CCSER1: variants seen among roughly 807,000 people sequenced by gnomAD.
CCSER1 encodes serine-rich coiled-coil domain-containing protein 1.
CCSER1 carries 41 observed loss-of-function variants against 82.0 expected under a neutral mutation model. The observed-to-expected ratio is 0.50, with a 90% CI of 0.39 to 0.65. The LOEUF is 0.65. CCSER1 is among the 30% of genes least tolerant of loss of function. The pLI is 0.00. For synonymous variants in CCSER1, 414 were observed against 383.9 expected, an observed-to-expected ratio of 1.08 and a Z score of -0.92; for missense variants, 1,119 against 1,064.2, an observed-to-expected ratio of 1.05 and a Z score of -0.72.
intron 7 of CCSER1, among the ~76,000 whole-genome samples, chr4:90,757,464 A>G (rs1749716310): frequency 6.6e-6 from 1 of 152,220 alleles, no homozygotes; most frequent in Non-Finnish European, 1.5e-5. Context: ...GGTTGGTGTC[A>G]TGGAACTTTA....
chr4:90,957,948 T>G (rs1317255345), intron 9 of CCSER1, among the ~76,000 whole-genome samples: 1 of 151,944 alleles, frequency 6.6e-6, no homozygotes, highest in Admixed American at 6.6e-5. Context: ...AAAAGGCATA[T>G]TTAATAAATT....
chr4:90,135,817 C>CAAA (rs572132850), intron 1 of CCSER1, among the ~76,000 whole-genome samples: 10 of 152,252 alleles, frequency 6.6e-5, no homozygotes, highest in South Asian at 2.1e-4. Context: ...CCGTCAGTTT[C>CAAA]AAAAATAATC....
In CCSER1 at chr4:90,397,284, A is replaced by C. The variant is rs961389193; in HGVS notation, c.1510-2752A>C. Among the ~76,000 whole-genome samples, 3 of 152,302 alleles carry C rather than the reference A, an allele frequency of 2.0e-5. No homozygotes were observed. The East Asian group carries it at 5.8e-4, about 29-fold the overall frequency. On this transcript the variant is annotated intron_variant, in intron 3 of 10. Coordinates refer to ENST00000509176, the MANE Select transcript of CCSER1 (RefSeq NM_001145065.2). ...AAATAAAATGAGAACAATGTCGTGA[A>C]TTTTCCAAATTTAGTTTGTTCACTT...
At chr4:90,301,632 G>A (rs1037778792) in intron 1 of CCSER1, among the ~76,000 whole-genome samples, 1 of 151,820 alleles carries the variant, frequency 6.6e-6, no homozygotes, top group Non-Finnish European at 1.5e-5. Context: ...AACGTTTATG[G>A]TAATAAAGAC....
chr4:91,364,083 C>T (rs906886478), intron 10 of CCSER1, among the ~76,000 whole-genome samples: 1 of 152,072 alleles, frequency 6.6e-6, no homozygotes, highest in Non-Finnish European at 1.5e-5. Flanking sequence ...TTTACAAGAA[C>T]TGAATAATTC....
intron 5 of CCSER1, among the ~76,000 whole-genome samples, chr4:90,496,786 G>A (rs1456917375): frequency 6.6e-6 from 1 of 151,964 alleles, no homozygotes; most frequent in Admixed American, 6.6e-5. Flanking sequence ...AGACCATCCT[G>A]GCCAACATGG....
At chr4:91,044,621 T>G (rs1453585712) in intron 9 of CCSER1, among the ~76,000 whole-genome samples, 1 of 152,156 alleles carries the variant, frequency 6.6e-6, no homozygotes, top group African/African-American at 2.4e-5. Flanking sequence ...TCCACATCAG[T>G]TTCTCATATC....
At chr4:90,675,233 T>C (rs1362726185) in intron 6 of CCSER1, among the ~76,000 whole-genome samples, 1 of 152,026 alleles carries the variant, frequency 6.6e-6, no homozygotes, top group African/African-American at 2.4e-5. Flanking sequence ...AGTCAATAAA[T>C]ATCAACTATT....
chr4:91,186,018 A>C (rs1734497971), intron 10 of CCSER1, among the ~76,000 whole-genome samples: 1 of 152,170 alleles, frequency 6.6e-6, no homozygotes, highest in Non-Finnish European at 1.5e-5. Flanking sequence ...GTGTATTCTA[A>C]CATGGAACTG....
In CCSER1 at chr4:91,328,249, G is replaced by C. The variant is rs527799570; in HGVS notation, c.2217+242255G>C. 3.3e-5 allele frequency among the ~76,000 whole-genome samples: 5 copies of C among 152,292 alleles called. No individual in the cohort carries two copies. In the South Asian group the frequency reaches 1.0e-3, roughly 32 times the overall value. On this transcript the variant is annotated intron_variant, in intron 10 of 10. Transcript: ENST00000509176. ...TAGACTGGGTAATTTATGAAGAAAA[G>C]AGGTTTAATTGACTCACAGTTACAC... is the stretch of plus-strand genomic sequence containing the variant.
chr4:91,347,563 AT>A (rs1281009577), intron 10 of CCSER1, among the ~76,000 whole-genome samples: 1 of 152,048 alleles, frequency 6.6e-6, no homozygotes, highest in Non-Finnish European at 1.5e-5. Context: ...GTTGGGAAGA[AT>A]TGAAATCTTG....
At chr4:90,195,241 C>T (rs552536797) in intron 1 of CCSER1, among the ~76,000 whole-genome samples, 2 of 152,132 alleles carry the variant, frequency 1.3e-5, no homozygotes, top group East Asian at 3.9e-4. Context: ...AAGTGTGACC[C>T]ATCCAGACAA....
chr4:91,281,317 C>A, intron 10 of CCSER1, among the ~76,000 whole-genome samples: 1 of 152,114 alleles, frequency 6.6e-6, no homozygotes, highest in Middle Eastern at 3.2e-3. Context: ...GATCAAGTAT[C>A]ACATGCCTCT....
At chr4:91,350,656 T>A (rs1307649722) in intron 10 of CCSER1, among the ~76,000 whole-genome samples, 3 of 152,068 alleles carry the variant, frequency 2.0e-5, no homozygotes, top group African/African-American at 7.2e-5. Flanking sequence ...AAAATTTGAC[T>A]GCAGAACGTT....
At chr4:90,869,007 T>C (rs1766098213) in intron 8 of CCSER1, among the ~76,000 whole-genome samples, 1 of 152,090 alleles carries the variant, frequency 6.6e-6, no homozygotes, top group African/African-American at 2.4e-5. Context: ...ATGTCTTGTT[T>C]TGAGAAGTGA....
At chr4:90,653,067 C>CTG (rs34511738) in intron 6 of CCSER1, among the ~76,000 whole-genome samples, 17 of 151,698 alleles carry the variant, frequency 1.1e-4, no homozygotes, top group East Asian at 3.9e-4. Flanking sequence ...TAACTGCCAT[C>CTG]TTTCTTACCA....
intron 9 of CCSER1, among the ~76,000 whole-genome samples, chr4:91,014,720 C>A (rs889881279): frequency 1.3e-5 from 2 of 152,180 alleles, no homozygotes; most frequent in Non-Finnish European, 2.9e-5. Flanking sequence ...CTACTTCACA[C>A]ATAATCTTAA....
At chr4:91,339,397 ACTTTTT>A (rs1747543330) in intron 10 of CCSER1, among the ~76,000 whole-genome samples, 1 of 151,998 alleles carries the variant, frequency 6.6e-6, no homozygotes, top group Non-Finnish European at 1.5e-5. Flanking sequence ...TTTTTGAATC[ACTTTTT>A]AAGTGAAAGA....
At chr4:90,443,314 A>G (rs773017528) in intron 4 of CCSER1, among the ~76,000 whole-genome samples, 7 of 152,080 alleles carry the variant, frequency 4.6e-5, no homozygotes, top group Non-Finnish European at 1.0e-4. Context: ...TGGGGCCATT[A>G]TTAAGTAAAA....
Sources: allele counts gnomAD v4.1 joint callset (sites outside exome capture counted in the v4.1 genomes callset), GRCh38; gene constraint gnomAD v4.1.1; transcripts MANE v1.5; gene names NCBI Gene and HGNC (gene_info 2026-07-23, HGNC 2026-07-21).